The following IKZF1 variants were observed in gnomAD, a reference collection of about 807,000 sequenced individuals.
IKZF1 encodes the protein DNA-binding protein Ikaros.
IKZF1 carries 10 observed loss-of-function variants against 51.7 expected under a neutral mutation model. That is an observed-to-expected ratio of 0.19 (90% confidence interval 0.12 to 0.33). IKZF1 has a LOEUF of 0.33. IKZF1 is among the 10% of genes least tolerant of loss of function. The pLI is 1.00. For synonymous variants in IKZF1, 280 were observed against 282.3 expected, an observed-to-expected ratio of 0.99 and a Z score of 0.08; for missense variants, 484 against 707.5, an observed-to-expected ratio of 0.68 and a Z score of 3.58.
At chr7:50,390,818 A>G (rs192575299) in intron 6 of IKZF1, among the ~76,000 whole-genome samples, 4 of 152,358 alleles carry the variant, frequency 2.6e-5, no homozygotes, top group Non-Finnish European at 5.9e-5. Context: ...AGAATAGACA[A>G]ACAAATCAAT....
intron 6 of IKZF1, among the ~76,000 whole-genome samples, chr7:50,388,266 T>C (rs1814008517): frequency 6.6e-6 from 1 of 152,228 alleles, no homozygotes; most frequent in Admixed American, 6.5e-5. Context: ...GCACTACCCC[T>C]GGAAAAATCA....
At chr7:50,396,400 CT>C (rs1716616495) in intron 7 of IKZF1, among the ~76,000 whole-genome samples, 1 of 152,058 alleles carries the variant, frequency 6.6e-6, no homozygotes, top group African/African-American at 2.4e-5. Flanking sequence ...ATTTTGTCTC[CT>C]GAGACCCGAA....
chr7:50,365,667 G>C (rs555739583), intron 3 of IKZF1, among the ~76,000 whole-genome samples: 1 of 152,268 alleles, frequency 6.6e-6, no homozygotes, highest in African/African-American at 2.4e-5. Context: ...AAAAAGGAAC[G>C]CTTATACACT....
At chr7:50,335,822 G>T (rs1489798304) in intron 3 of IKZF1, among the ~76,000 whole-genome samples, 4 of 152,104 alleles carry the variant, frequency 2.6e-5, no homozygotes, top group Admixed American at 6.5e-5. Flanking sequence ...TGGGGTGTTT[G>T]CTGTGCCTGG....
At chr7:50,327,397 T>C (rs925375756) in intron 2 of IKZF1, 13 of 363,806 alleles carry the variant, frequency 3.6e-5, no homozygotes, top group Non-Finnish European at 5.9e-5. Context: ...AGAGTGGCAG[T>C]GTCTGGGATT....
intron 3 of IKZF1, chr7:50,369,364 A>G (rs1807960710): frequency 2.5e-6 from 1 of 394,780 alleles, no homozygotes; most frequent in Non-Finnish European, 4.5e-6. Flanking sequence ...TGAAGCCTTC[A>G]GTCTGTAAGA....
chr7:50,329,891 C>T (rs181767765), intron 3 of IKZF1, among the ~76,000 whole-genome samples: 46 of 152,324 alleles, frequency 3.0e-4, no homozygotes, highest in South Asian at 1.0e-3. Flanking sequence ...TGTGAGCCAT[C>T]GTGGCTAGGG....
intron 3 of IKZF1, among the ~76,000 whole-genome samples, chr7:50,366,218 A>G (rs569544530): frequency 3.7e-4 from 56 of 152,334 alleles, no homozygotes; most frequent in African/African-American, 1.3e-3. Context: ...GAGTTTACCT[A>G]TATAACAAAC....
At chr7:50,395,438 G>T (rs943365831) in intron 7 of IKZF1, among the ~76,000 whole-genome samples, 4 of 151,502 alleles carry the variant, frequency 2.6e-5, no homozygotes, top group African/African-American at 9.8e-5. Flanking sequence ...AAAACATTAA[G>T]AAATTTGAAT....
chr7:50,346,124 C>G (rs941948270), intron 3 of IKZF1, among the ~76,000 whole-genome samples: 1 of 152,148 alleles, frequency 6.6e-6, no homozygotes, highest in African/African-American at 2.4e-5. Context: ...TCATCCCACC[C>G]CCGCTGCCCA....
intron 2 of IKZF1, among the ~76,000 whole-genome samples, chr7:50,325,935 A>G (rs1275675658): frequency 1.3e-5 from 2 of 152,046 alleles, no homozygotes; most frequent in African/African-American, 4.8e-5. Flanking sequence ...TTAACTATTC[A>G]TTTTGTATTG....
At chr7:50,381,725 A>C (rs1455665825) in intron 4 of IKZF1, among the ~76,000 whole-genome samples, 4 of 152,264 alleles carry the variant, frequency 2.6e-5, no homozygotes, top group Non-Finnish European at 5.9e-5. Context: ...ATGGATATAG[A>C]CAAATAATAG....
intron 5 of IKZF1, among the ~76,000 whole-genome samples, chr7:50,384,329 C>G (rs537223701): frequency 6.6e-6 from 1 of 152,236 alleles, no homozygotes; most frequent in Non-Finnish European, 1.5e-5. Context: ...CACCTCCTCT[C>G]CATCCTGACC....
At chr7:50,392,092 G>A (rs1815255935) in intron 7 of IKZF1, among the ~76,000 whole-genome samples, 3 of 152,188 alleles carry the variant, frequency 2.0e-5, no homozygotes, top group Non-Finnish European at 2.9e-5. Context: ...AGCATCTGGG[G>A]CCTGCCCTGT....
chr7:50,368,897 T>C (rs984304394), intron 3 of IKZF1: 1 of 220,680 alleles, frequency 4.5e-6, no homozygotes, highest in African/African-American at 2.2e-5. Flanking sequence ...TAGGCTCTAA[T>C]TTGAACAGTG....
intron 3 of IKZF1, among the ~76,000 whole-genome samples, chr7:50,356,393 G>A (rs1803381031): frequency 6.6e-6 from 1 of 152,174 alleles, no homozygotes; most frequent in African/African-American, 2.4e-5. Context: ...TCCCTCCAAG[G>A]CTGACAACTA....
chr7:50,336,475 T>C (rs962760887), intron 3 of IKZF1, among the ~76,000 whole-genome samples: 33,106 of 152,010 alleles, frequency 0.22, 4,217 homozygotes, highest in African/African-American at 0.36. Context: ...ATAAAGGGTG[T>C]GGTGCTGGAA....
chr7:50,308,661 G>A (rs534127887), intron 1 of IKZF1: 1 of 152,336 alleles, frequency 6.6e-6, no homozygotes, highest in South Asian at 2.1e-4. Context: ...AGAGAAAACG[G>A]TCTTCCCTCC....
chr7:50,392,651 A>C (rs545600101), intron 7 of IKZF1, among the ~76,000 whole-genome samples: 21 of 152,326 alleles, frequency 1.4e-4, no homozygotes, highest in African/African-American at 4.1e-4. Flanking sequence ...GTGATTGTGA[A>C]TATCCCATGA....
Sources: allele counts gnomAD v4.1 joint callset (sites outside exome capture counted in the v4.1 genomes callset), GRCh38; gene constraint gnomAD v4.1.1; transcripts MANE v1.5; gene names NCBI Gene and HGNC (gene_info 2026-07-23, HGNC 2026-07-21).